SMARCC1: variants seen among roughly 807,000 people sequenced by gnomAD.
The protein encoded by SMARCC1 is SWI/SNF related BAF chromatin remodeling complex subunit C1, also known as SWI/SNF complex subunit SMARCC1.
In SMARCC1, 43 loss-of-function variants were observed where a neutral mutation model predicts 147.4. The ratio of observed to expected loss-of-function variants is 0.29; its 90% confidence interval spans 0.23 to 0.38. The LOEUF is 0.38. SMARCC1 is among the 10% of genes least tolerant of loss of function. The pLI is 1.00. For synonymous variants in SMARCC1, 495 were observed against 484.4 expected (o/e 1.02, Z -0.29); for missense variants, 1,119 against 1,381.1 (o/e 0.81, Z 3.01).
chr3:47,770,780 A>G (rs991527416), intron 2 of SMARCC1, among the ~76,000 whole-genome samples: 3 of 152,232 alleles, frequency 2.0e-5, no homozygotes, highest in African/African-American at 7.2e-5. Flanking sequence ...CCCAATTATA[A>G]TTCAAAATGA....
intron 26 of SMARCC1, among the ~76,000 whole-genome samples, chr3:47,600,164 G>T (rs1325977006): frequency 6.6e-6 from 1 of 152,218 alleles, no homozygotes; most frequent in Non-Finnish European, 1.5e-5. Flanking sequence ...TGGGATACAG[G>T]TGTTCTGAGT....
At chr3:47,748,542 C>T (rs1399543135) in intron 2 of SMARCC1, among the ~76,000 whole-genome samples, 1 of 148,298 alleles carries the variant, frequency 6.7e-6, no homozygotes, top group Admixed American at 6.9e-5. Flanking sequence ...TATTTAATGA[C>T]CATAAAAATG....
intron 26 of SMARCC1, among the ~76,000 whole-genome samples, chr3:47,591,233 TAA>T (rs1393616968): frequency 6.6e-6 from 1 of 152,028 alleles, no homozygotes; most frequent in East Asian, 1.9e-4. Context: ...AGTCAGTAAG[TAA>T]AAGTCAGTAA....
chr3:47,596,950 CT>C (rs1056039010), intron 26 of SMARCC1, among the ~76,000 whole-genome samples: 1 of 151,554 alleles, frequency 6.6e-6, no homozygotes, highest in African/African-American at 2.4e-5. Flanking sequence ...AATCCCGGCA[CT>C]TTGGGAGGCC....
chr3:47,623,945 G>T (rs2032771658), intron 24 of SMARCC1, among the ~76,000 whole-genome samples: 2 of 151,106 alleles, frequency 1.3e-5, no homozygotes, highest in South Asian at 2.1e-4. Context: ...TGGAAAGGGG[G>T]TCCTTAAGTG....
In SMARCC1 at chr3:47,636,108, T is replaced by G. The variant is rs769376787; in HGVS notation, c.2405A>C (p.Asp802Ala). 3.1e-6 allele frequency: 5 copies of G among 1,607,274 alleles called. No individual in the cohort carries two copies. Among genetic ancestry groups the G allele is most frequent in the African/African-American group, 1.3e-5 (1 of 74,816 alleles). The change falls in exon 23 of 28, where the codon GAT (aspartate) becomes GCT (alanine). Residue 802 changes from aspartate (D) to alanine (A), a missense_variant. This residue lies in a region of SMARCC1 where 157 missense variants were observed against 158.6 expected (regional missense o/e 0.99). Coordinates refer to ENST00000254480, the MANE Select transcript of SMARCC1 (RefSeq NM_003074.4). ...KAENKVENET[D>A]EGDKAQDGEN... ...TCCATCTTGTGCTTTATCACCTTCA[T>G]CCGTTTCATTTTCCACTTTATTTTC...
At chr3:47,601,110 CTT>C (rs1478822840) in intron 26 of SMARCC1, among the ~76,000 whole-genome samples, 1 of 148,560 alleles carries the variant, frequency 6.7e-6, no homozygotes, top group African/African-American at 2.5e-5. Flanking sequence ...TACATACAAG[CTT>C]TTTTTCTTTT....
chr3:47,769,293 G>C (rs547543819), intron 2 of SMARCC1, among the ~76,000 whole-genome samples: 3 of 147,844 alleles, frequency 2.0e-5, no homozygotes, highest in Non-Finnish European at 4.5e-5. Flanking sequence ...GAGGTGGCCG[G>C]ATCATGAGGT....
rs959268861 is a variant in SMARCC1, at chr3:47,781,875, C to G, written c.-78G>C. The G allele has an allele frequency of 8.7e-6, 9 of 1,032,082 alleles. No individual in the cohort carries two copies. Among genetic ancestry groups the G allele is most frequent in the Middle Eastern group, 3.3e-4 (1 of 3,074 alleles). The allele number at this position is 1,032,082 out of a possible 1,614,324, so 63.9% of individuals were successfully genotyped here. A position where few individuals can be genotyped will look rare whatever the true frequency, so the allele number is the denominator to read the frequency against. On this transcript the variant is annotated 5_prime_UTR_variant, in exon 1 of 28. Coordinates refer to ENST00000254480, the MANE Select transcript of SMARCC1 (RefSeq NM_003074.4). ...TCCCGGTCGTTCCCGCGCGCACCCC[C>G]GCGCGCGTAGCCGCCACTGCCGCTT...
intron 11 of SMARCC1, among the ~76,000 whole-genome samples, chr3:47,695,253 G>C (rs2033834989): frequency 6.6e-6 from 1 of 152,194 alleles, no homozygotes. Flanking sequence ...AGAAACGCTT[G>C]AGCCTAGGAG....
intron 14 of SMARCC1, among the ~76,000 whole-genome samples, chr3:47,682,209 G>A (rs1015613262): frequency 2.6e-5 from 4 of 151,410 alleles, no homozygotes; most frequent in Admixed American, 1.3e-4. Context: ...ACGGGAGAAT[G>A]GCGTGAACCC....
At chr3:47,680,393 C>T (rs753040297) in intron 15 of SMARCC1, 44 bp downstream of exon 15, 26 of 1,346,898 alleles carry the variant, frequency 1.9e-5, no homozygotes, top group East Asian at 1.1e-4. Flanking sequence ...GAGCCCCTAC[C>T]GCACACAGGC....
intron 2 of SMARCC1, among the ~76,000 whole-genome samples, chr3:47,768,905 G>A (rs1301660747): frequency 6.6e-6 from 1 of 151,980 alleles, no homozygotes; most frequent in Non-Finnish European, 1.5e-5. Flanking sequence ...TTAAATTTTT[G>A]TTATAAAAAA....
chr3:47,613,603 G>T (rs898762256), intron 25 of SMARCC1, among the ~76,000 whole-genome samples: 1 of 151,876 alleles, frequency 6.6e-6, no homozygotes, highest in African/African-American at 2.4e-5. Context: ...CAGGTGATCC[G>T]CCCGCCTCAG....
chr3:47,686,706 C>A (rs912852376), intron 13 of SMARCC1, among the ~76,000 whole-genome samples: 2 of 152,110 alleles, frequency 1.3e-5, no homozygotes, highest in African/African-American at 4.8e-5. Context: ...AAATTATGGG[C>A]TGGGCAAGGT....
intron 21 of SMARCC1, among the ~76,000 whole-genome samples, chr3:47,655,991 T>C (rs965670880): frequency 2.0e-5 from 3 of 151,946 alleles, no homozygotes; most frequent in African/African-American, 7.3e-5. Context: ...GACGGGCGGA[T>C]CACAAGGTCA....
intron 19 of SMARCC1, chr3:47,663,754 G>A (rs1261576830): frequency 1.8e-5 from 27 of 1,522,862 alleles, no homozygotes; most frequent in Middle Eastern, 1.7e-4. Context: ...ACGAGAACCC[G>A]GTGGTACCCA....
chr3:47,640,132 C>A (rs949061039), intron 21 of SMARCC1, among the ~76,000 whole-genome samples: 6 of 151,708 alleles, frequency 4.0e-5, no homozygotes, highest in African/African-American at 1.5e-4. Context: ...TTACAGAGAA[C>A]GTAAAGCCTT....
intron 18 of SMARCC1, among the ~76,000 whole-genome samples, chr3:47,671,187 A>AAAAAAAAAAAAC: frequency 6.8e-6 from 1 of 146,438 alleles, no homozygotes; most frequent in African/African-American, 2.5e-5. Flanking sequence ...AAAAAAAAAA[A>AAAAAAAAAAAAC]AAAAAAAAAA....
Sources: allele counts gnomAD v4.1 joint callset (sites outside exome capture counted in the v4.1 genomes callset), GRCh38; gene constraint gnomAD v4.1.1; regional missense constraint gnomAD v4.1.1; transcripts MANE v1.5; gene names NCBI Gene and HGNC (gene_info 2026-07-23, HGNC 2026-07-21).